DGKG: variants seen among roughly 807,000 people sequenced by gnomAD.
DGKG encodes the protein diacylglycerol kinase gamma.
A neutral mutation model predicts 105.3 loss-of-function variants in DGKG; 78 were observed. That is an observed-to-expected ratio of 0.74 (90% CI 0.62 to 0.89). The LOEUF is 0.89. DGKG is among the 40% of genes least tolerant of loss of function. The pLI, the probability that DGKG is intolerant of heterozygous loss-of-function variation, is 0.00. For synonymous variants in DGKG, 346 were observed against 367.1 expected (o/e 0.94, Z 0.66); for missense variants, 958 against 1,020.1 (o/e 0.94, Z 0.83).
chr3:186,205,858 TC>T (rs1458139576), intron 21 of DGKG, among the ~76,000 whole-genome samples: 1 of 151,646 alleles, frequency 6.6e-6, no homozygotes, highest in Non-Finnish European at 1.5e-5. Flanking sequence ...ATTAAAAAAA[TC>T]CTCAAACACT....
chr3:186,158,448 A>G (rs1716137483), intron 24 of DGKG: 1 of 974,834 alleles, frequency 1.0e-6, no homozygotes, highest in Admixed American at 6.2e-5. Context: ...TTAAGTCTCC[A>G]AGTGACTAAA....
At chr3:186,352,645 C>T (rs1274090291) in intron 1 of DGKG, among the ~76,000 whole-genome samples, 5 of 152,154 alleles carry the variant, frequency 3.3e-5, no homozygotes, top group Admixed American at 3.3e-4. Flanking sequence ...AGCCTGGTGG[C>T]CACCTTTGGC....
chr3:186,337,996 C>T (rs1725908683), intron 1 of DGKG, among the ~76,000 whole-genome samples: 1 of 151,902 alleles, frequency 6.6e-6, no homozygotes, highest in Non-Finnish European at 1.5e-5. Context: ...GGGCAAAACC[C>T]TGTCTCTACA....
chr3:186,247,987 T>TCCTCCCTTCCTTCCTTCCTTCCTC (rs1227655590), intron 19 of DGKG, among the ~76,000 whole-genome samples: 2 of 151,104 alleles, frequency 1.3e-5, no homozygotes, highest in African/African-American at 2.4e-5. Flanking sequence ...TTTCCTTCCT[T>TCCTCCCTTCCTTCCTTCCTTCCTC]CCTCCCTTCC....
At chr3:186,234,182 C>A (rs544714795) in intron 20 of DGKG, among the ~76,000 whole-genome samples, 3 of 152,204 alleles carry the variant, frequency 2.0e-5, no homozygotes, top group East Asian at 1.9e-4. Flanking sequence ...CTGCTTTATA[C>A]GAAAAGCCTT....
intron 16 of DGKG, among the ~76,000 whole-genome samples, chr3:186,260,101 C>T (rs1721689875): frequency 6.6e-6 from 1 of 152,192 alleles, no homozygotes; most frequent in Non-Finnish European, 1.5e-5. Flanking sequence ...TATGAAGACA[C>T]CAGCTAACAG....
chr3:186,251,688 G>A (rs540038343), intron 19 of DGKG, 71 bp downstream of exon 19: 5 of 1,573,522 alleles, frequency 3.2e-6, no homozygotes, highest in African/African-American at 1.3e-5. Flanking sequence ...ACCCAGAGGG[G>A]ACAACAGAAG....
chr3:186,170,171 C>A (rs1249776860), intron 22 of DGKG, among the ~76,000 whole-genome samples: 1 of 152,148 alleles, frequency 6.6e-6, no homozygotes, highest in Non-Finnish European at 1.5e-5. Context: ...ACAACAATGC[C>A]AGGTTGCACC....
Position 186,188,385 on chromosome 3 carries a change from G to A in DGKG, c.1918-6C>T, listed in dbSNP as rs749153792. Reference sequence around the variant, plus strand: ...TCCACCCCAACCCCATCACACTGGAGGACGGAGAGAAAAGGCCATCTGTTA... The same window carrying A: ...TCCACCCCAACCCCATCACACTGGAAGACGGAGAGAAAAGGCCATCTGTTA... On this transcript the variant is annotated splice_region_variant and splice_polypyrimidine_tract_variant and intron_variant, in intron 21 of 24. Coordinates refer to ENST00000265022, the MANE Select transcript of DGKG (RefSeq NM_001346.3). 5.0e-6 allele frequency: 8 copies of A among 1,613,600 alleles called. No homozygotes were observed. In the South Asian group the frequency reaches 6.6e-5, roughly 13 times the overall value.
intron 22 of DGKG, among the ~76,000 whole-genome samples, chr3:186,172,955 G>A (rs549499948): frequency 6.7e-4 from 102 of 152,218 alleles, no homozygotes; most frequent in Non-Finnish European, 9.0e-4. Context: ...GAGGCTGGAA[G>A]TCCAAGGTCA....
chr3:186,172,366 C>A (rs564281145), intron 22 of DGKG, among the ~76,000 whole-genome samples: 1 of 152,322 alleles, frequency 6.6e-6, no homozygotes, highest in African/African-American at 2.4e-5. Flanking sequence ...CATGGAGCAG[C>A]CCAGGGAATC....
chr3:186,189,499 A>G (rs1344097835), intron 21 of DGKG, among the ~76,000 whole-genome samples: 1 of 152,226 alleles, frequency 6.6e-6, no homozygotes, highest in East Asian at 1.9e-4. Flanking sequence ...ACAGCTAATA[A>G]ATAACAGAGC....
chr3:186,267,074 G>A (rs1219556164), intron 13 of DGKG, among the ~76,000 whole-genome samples: 2 of 152,164 alleles, frequency 1.3e-5, no homozygotes, highest in East Asian at 3.8e-4. Context: ...GGGTAAAGGA[G>A]CTTAATTTTG....
At chr3:186,305,487 C>A (rs112269270) in intron 3 of DGKG, among the ~76,000 whole-genome samples, 1,652 of 152,220 alleles carry the variant, frequency 0.011, 31 homozygotes, top group African/African-American at 0.037. Flanking sequence ...GGAGGTGCAG[C>A]TTGTAATGAC....
chr3:186,221,869 G>A (rs761153079), intron 20 of DGKG, among the ~76,000 whole-genome samples: 8 of 152,222 alleles, frequency 5.3e-5, no homozygotes, highest in African/African-American at 7.2e-5. Flanking sequence ...TACCGTGACC[G>A]CCGGGTGGGT....
At chr3:186,207,686 C>T (rs931996180) in intron 21 of DGKG, among the ~76,000 whole-genome samples, 1 of 147,532 alleles carries the variant, frequency 6.8e-6, no homozygotes, top group East Asian at 2.2e-4. Flanking sequence ...CCAGGGCTCA[C>T]TGCCAGGCCT....
Position 186,345,935 on chromosome 3 carries a change from A to AT in DGKG, c.-249+16010dup, listed in dbSNP as rs1726311223. Among the ~76,000 whole-genome samples the AT allele has an allele frequency of 2.0e-5, 3 of 151,892 alleles. No individual in the cohort carries two copies. The South Asian group carries it at 6.2e-4, about 32-fold the overall frequency. On this transcript the variant is annotated intron_variant, in intron 1 of 24. Coordinates refer to ENST00000265022, the MANE Select transcript of DGKG (RefSeq NM_001346.3). ...AGGTGCCCGCCACCACGCCTGGCTA[A>AT]TTTTTGTATTTTTAATAGCGATGGG... is the stretch of plus-strand genomic sequence containing the variant.
intron 21 of DGKG, among the ~76,000 whole-genome samples, chr3:186,199,225 A>G (rs1004108131): frequency 6.6e-6 from 1 of 152,118 alleles, no homozygotes; most frequent in Non-Finnish European, 1.5e-5. Context: ...CTGGGATTAC[A>G]GGCATGAGCC....
chr3:186,322,354 T>G (rs962151225), intron 1 of DGKG, among the ~76,000 whole-genome samples: 76 of 152,222 alleles, frequency 5.0e-4, no homozygotes, highest in African/African-American at 1.8e-3. Flanking sequence ...ACATCTTCAC[T>G]TATAAGTGAG....
Sources: allele counts gnomAD v4.1 joint callset (sites outside exome capture counted in the v4.1 genomes callset), GRCh38; gene constraint gnomAD v4.1.1; transcripts MANE v1.5; gene names NCBI Gene and HGNC (gene_info 2026-07-23, HGNC 2026-07-21).